The following CCDC7 variants were observed in gnomAD, a reference collection of about 807,000 sequenced individuals.
CCDC7 encodes coiled-coil domain-containing protein 7.
A neutral mutation model predicts 196.9 loss-of-function variants in CCDC7; 183 were observed. The observed-to-expected ratio is 0.93, with a 90% confidence interval of 0.82 to 1.05. CCDC7 has a LOEUF of 1.05. CCDC7 is among the 50% of genes least tolerant of loss of function. CCDC7 has a pLI of 0.00. For missense variants in CCDC7, 1,540 were observed against 1,482.2 expected (o/e 1.04, Z -0.64); for synonymous variants, 525 against 484.6 (o/e 1.08, Z -1.10).
chr10:32,511,809 G>A (rs981678406), intron 9 of CCDC7: 10 of 1,040,348 alleles, frequency 9.6e-6, no homozygotes, highest in Non-Finnish European at 1.5e-5. Context: ...CGACAATGAC[G>A]CGCCAGCTCT....
chr10:32,505,681 G>T (rs917018688), intron 9 of CCDC7, among the ~76,000 whole-genome samples: 77 of 152,040 alleles, frequency 5.1e-4, no homozygotes, highest in Non-Finnish European at 9.6e-4. Context: ...GCCCGTTCTC[G>T]ATGGTCGCTG....
intron 22 of CCDC7, among the ~76,000 whole-genome samples, chr10:32,686,379 G>T (rs1466525850): frequency 6.6e-6 from 1 of 152,156 alleles, no homozygotes; most frequent in Non-Finnish European, 1.5e-5. Context: ...GAAGTTACAG[G>T]TCCAAAAGCC....
At chr10:32,538,103 A>T (rs914372733) in intron 11 of CCDC7, among the ~76,000 whole-genome samples, 1 of 152,160 alleles carries the variant, frequency 6.6e-6, no homozygotes, top group Admixed American at 6.5e-5. Flanking sequence ...TTTTAACAAT[A>T]TTGAGTCTCC....
chr10:32,831,776 C>T (rs1387799218), intron 32 of CCDC7, among the ~76,000 whole-genome samples: 5 of 152,122 alleles, frequency 3.3e-5, no homozygotes, highest in Admixed American at 3.3e-4. Flanking sequence ...GATAACGATG[C>T]CTTCTTCTGG....
At chr10:32,744,665 A>G (rs2074409176) in intron 28 of CCDC7, among the ~76,000 whole-genome samples, 3 of 152,022 alleles carry the variant, frequency 2.0e-5, no homozygotes, top group Admixed American at 6.6e-5. Flanking sequence ...TTCAAATGGG[A>G]TGTTTGTTTT....
intron 33 of CCDC7, among the ~76,000 whole-genome samples, chr10:32,838,369 C>T (rs986371609): frequency 1.3e-5 from 2 of 151,838 alleles, no homozygotes; most frequent in East Asian, 1.9e-4. Flanking sequence ...ATAATAGAAC[C>T]GAACAGCAGA....
At chr10:32,830,079 C>T (rs2091933262) in intron 32 of CCDC7, among the ~76,000 whole-genome samples, 1 of 110,240 alleles carries the variant, frequency 9.1e-6, no homozygotes, top group African/African-American at 2.9e-5. Flanking sequence ...TGAGTTAATA[C>T]TTAATAAATA....
At chr10:32,684,661 C>T (rs1473991813) in intron 21 of CCDC7, among the ~76,000 whole-genome samples, 1 of 152,216 alleles carries the variant, frequency 6.6e-6, no homozygotes, top group East Asian at 1.9e-4. Flanking sequence ...GTCTTCTCTC[C>T]TGTGAAAGCA....
At chr10:32,807,805 CT>C (rs1297821004) in intron 30 of CCDC7, among the ~76,000 whole-genome samples, 1 of 151,754 alleles carries the variant, frequency 6.6e-6, no homozygotes, top group African/African-American at 2.4e-5. Context: ...AGCATAGTGC[CT>C]TTTTTCCTCT....
At chr10:32,567,693 A>C (rs748823242) in exon 15 of CCDC7, 78 of 1,612,422 alleles carry the variant, frequency 4.8e-5, no homozygotes, top group Non-Finnish European at 6.4e-5. Flanking sequence ...CTAAGCATCA[A>C]CTTAACTATT....
chr10:32,640,864 C>CTTTTTTTTTTTTTTTTTTTTTT (rs753769301), intron 20 of CCDC7, among the ~76,000 whole-genome samples: 9 of 74,538 alleles, frequency 1.2e-4, no homozygotes, highest in Non-Finnish European at 1.2e-4. Flanking sequence ...TGTAGATTTT[C>CTTTTTTTTTTTTTTTTTTTTTT]TTTTTTTTTT....
At chr10:32,524,665 A>G (rs1404010490) in intron 11 of CCDC7, among the ~76,000 whole-genome samples, 1 of 152,186 alleles carries the variant, frequency 6.6e-6, no homozygotes, top group Non-Finnish European at 1.5e-5. Context: ...TTCTAGGGTA[A>G]AAGGTTTTTT....
chr10:32,861,363 A>T (rs11527662), intron 41 of CCDC7, among the ~76,000 whole-genome samples: 14,119 of 152,176 alleles, frequency 0.093, 903 homozygotes, highest in East Asian at 0.33. Context: ...AAAACTGGCT[A>T]GTCATATGCA....
In CCDC7 at chr10:32,798,312, C is replaced by T. The variant is rs569586183; in HGVS notation, c.3014-6703C>T. Among the ~76,000 whole-genome samples the T allele has an allele frequency of 5.9e-5, 9 of 152,294 alleles. No individual in the cohort carries two copies. In the South Asian group the frequency reaches 1.5e-3, roughly 25 times the overall value. On this transcript the variant is annotated intron_variant, in intron 29 of 41. Coordinates refer to ENST00000639629, the Ensembl canonical transcript of CCDC7. The stretch of plus-strand genomic sequence containing the variant: ...GGCAAATTGGACACACAGCAGTGGC[C>T]GTAGCCAGATCAGCCTTGGTGAGTG...
At chr10:32,469,515 C>T (rs1445355755) in intron 5 of CCDC7, among the ~76,000 whole-genome samples, 1 of 152,212 alleles carries the variant, frequency 6.6e-6, no homozygotes, top group Non-Finnish European at 1.5e-5. Flanking sequence ...GGGTGGTACA[C>T]TTAGGAATCT....
chr10:32,644,930 A>G (rs1484036615), intron 20 of CCDC7, among the ~76,000 whole-genome samples: 1 of 152,230 alleles, frequency 6.6e-6, no homozygotes, highest in African/African-American at 2.4e-5. Flanking sequence ...TTGCAGAACC[A>G]TGAGCCAATT....
chr10:32,636,682 TA>T (rs1241340378), intron 20 of CCDC7, among the ~76,000 whole-genome samples: 3 of 152,208 alleles, frequency 2.0e-5, no homozygotes, highest in Non-Finnish European at 4.4e-5. Context: ...AGTGCCGCAA[TA>T]AACATATGTG....
chr10:32,594,788 T>A (rs918996316), intron 18 of CCDC7, among the ~76,000 whole-genome samples: 2 of 152,224 alleles, frequency 1.3e-5, no homozygotes, highest in Non-Finnish European at 2.9e-5. Context: ...AAAGGCCTTT[T>A]CTGCATCTGT....
intron 37 of CCDC7, among the ~76,000 whole-genome samples, chr10:32,846,953 T>A (rs187090372): frequency 6.6e-6 from 1 of 152,212 alleles, no homozygotes; most frequent in Non-Finnish European, 1.5e-5. Flanking sequence ...AGAGATTACA[T>A]TACTGGCTTT....
Sources: gnomAD v4.1 joint callset for allele counts (sites outside exome capture counted in the v4.1 genomes callset) on GRCh38, gnomAD v4.1.1 for gene constraint, MANE v1.5 for transcripts, NCBI Gene and HGNC (gene_info 2026-07-23, HGNC 2026-07-21) for gene names.